The following RAB11FIP2 variants were observed in gnomAD, a reference collection of about 807,000 sequenced individuals.
The protein encoded by RAB11FIP2 is rab11 family-interacting protein 2.
A neutral mutation model predicts 40.9 loss-of-function variants in RAB11FIP2; 16 were observed. The observed-to-expected ratio is 0.39, with a 90% confidence interval of 0.26 to 0.59. The LOEUF is 0.59. Ranked by LOEUF, RAB11FIP2 falls within the 20% of genes least tolerant of loss-of-function variation. The pLI, the probability that RAB11FIP2 is intolerant of heterozygous loss-of-function variation, is 0.53. For synonymous variants in RAB11FIP2, 228 were observed against 213.7 expected (o/e 1.07, Z -0.58); for missense variants, 532 against 606.2 (o/e 0.88, Z 1.28).
At position 118,038,798 on chromosome 10, in the gene RAB11FIP2, A is replaced by G. The variant is rs982826451; in HGVS notation, c.1265+174T>C. 1.5e-5 allele frequency: 8 copies of G among 544,422 alleles called. No individual in the cohort carries two copies. In the South Asian group the frequency reaches 2.6e-4, roughly 18 times the overall value. 33.7% of individuals were successfully genotyped at this position (544,422 alleles called of 1,614,324 possible). A position where few individuals can be genotyped will look rare whatever the true frequency, so the allele number is the denominator to read the frequency against. ...TTATCTTCTTAAGATAAAAAAGTTC[A>G]GTTCCAAAAATATATGCAACATTGC... On this transcript the variant is annotated intron_variant, in intron 3 of 4. Coordinates refer to ENST00000355624, the MANE Select transcript of RAB11FIP2 (RefSeq NM_014904.3).
At chr10:118,045,738 T>A in intron 1 of RAB11FIP2, 73 bp downstream of exon 1, 1 of 1,265,934 alleles carries the variant, frequency 7.9e-7, no homozygotes, top group Non-Finnish European at 1.1e-6. Flanking sequence ...AGTATACGGA[T>A]AATTTCCAAG....
At chr10:118,018,897 G>A (rs1033781354) in intron 3 of RAB11FIP2, among the ~76,000 whole-genome samples, 1 of 151,896 alleles carries the variant, frequency 6.6e-6, no homozygotes, top group Non-Finnish European at 1.5e-5. Context: ...AGATCAAAGT[G>A]GGTTTTTTTT....
chr10:118,045,374 T>C (rs1235407518), intron 1 of RAB11FIP2: 1 of 161,876 alleles, frequency 6.2e-6, no homozygotes, highest in African/African-American at 2.4e-5. Flanking sequence ...GTTCTAAATC[T>C]GGTGATTTAT....
chr10:118,015,466 T>G (rs547442301), intron 3 of RAB11FIP2, among the ~76,000 whole-genome samples: 159 of 152,290 alleles, frequency 1.0e-3, no homozygotes, highest in Non-Finnish European at 1.8e-3. Flanking sequence ...CCTTAGGCCC[T>G]CTGATATAAA....
chr10:118,014,335 C>T (rs1481510829), intron 4 of RAB11FIP2, among the ~76,000 whole-genome samples: 1 of 152,068 alleles, frequency 6.6e-6, no homozygotes, highest in East Asian at 1.9e-4. Context: ...TTCTGTTATT[C>T]AGTGAGAATT....
rs1455535176 is a variant in RAB11FIP2, at chr10:118,006,097, G to T, written c.*2901C>A. On this transcript the variant is annotated 3_prime_UTR_variant, in exon 5 of 5. Transcript: ENST00000355624. ...AGCAATACTTAAAAACGTTTTTCATGAATGGGTTACATGTTGTTTTATATA... is the reference window on the plus strand; with the variant it reads ...AGCAATACTTAAAAACGTTTTTCATTAATGGGTTACATGTTGTTTTATATA... 1 of 152,562 alleles carries T rather than the reference G, an allele frequency of 6.6e-6. No homozygotes were observed. Among genetic ancestry groups the T allele is most frequent in the African/African-American group, 2.4e-5 (1 of 41,438 alleles). 9.5% of individuals were successfully genotyped at this position (152,562 alleles called of 1,614,324 possible). A position where few individuals can be genotyped will look rare whatever the true frequency, so the allele number is the denominator to read the frequency against.
At chr10:118,018,092 G>A (rs760126156) in intron 3 of RAB11FIP2, 2 of 152,222 alleles carry the variant, frequency 1.3e-5, no homozygotes, top group Non-Finnish European at 2.9e-5. Flanking sequence ...AGATCTGAGT[G>A]AGAGGCTCTT....
chr10:118,010,017 T>C (rs915692921), intron 4 of RAB11FIP2, among the ~76,000 whole-genome samples: 2 of 152,152 alleles, frequency 1.3e-5, no homozygotes, highest in Non-Finnish European at 2.9e-5. Flanking sequence ...GGCAAAAGCA[T>C]AAATATAACC....
At chr10:118,019,828 A>AG (rs1263948412) in intron 3 of RAB11FIP2, among the ~76,000 whole-genome samples, 2 of 149,994 alleles carry the variant, frequency 1.3e-5, no homozygotes, top group East Asian at 4.1e-4. Flanking sequence ...TCTGCCTCAA[A>AG]GAAAAAAAAA....
chr10:118,043,575 TAAGTA>T (rs1846589849), intron 1 of RAB11FIP2: 2 of 151,988 alleles, frequency 1.3e-5, no homozygotes, highest in Admixed American at 6.6e-5. Flanking sequence ...GGTAAGAAAA[TAAGTA>T]AAGTAATAAT....
intron 1 of RAB11FIP2, among the ~76,000 whole-genome samples, chr10:118,041,707 A>G (rs1990325): frequency 0.87 from 132,121 of 152,072 alleles, 58,403 homozygotes; most frequent in Middle Eastern, 0.97. Flanking sequence ...GGATATGCCA[A>G]GAGAAGATTA....
intron 3 of RAB11FIP2, among the ~76,000 whole-genome samples, chr10:118,018,836 C>A (rs896007453): frequency 6.6e-6 from 1 of 152,038 alleles, no homozygotes; most frequent in African/African-American, 2.4e-5. Flanking sequence ...ATAACTCAAT[C>A]ATTAGAGCAA....
At chr10:118,018,277 AAAAT>A (rs1331167958) in intron 3 of RAB11FIP2, 9 of 152,242 alleles carry the variant, frequency 5.9e-5, no homozygotes, top group African/African-American at 1.9e-4. Context: ...AGCTTGGTGA[AAAAT>A]AAAATGTCTC....
At chr10:118,030,334 G>A (rs1179225743) in intron 3 of RAB11FIP2, among the ~76,000 whole-genome samples, 1 of 152,010 alleles carries the variant, frequency 6.6e-6, no homozygotes, top group Non-Finnish European at 1.5e-5. Context: ...ACCTCAAGAG[G>A]GCTTACATGC....
At chr10:118,044,087 T>C (rs879694481) in intron 1 of RAB11FIP2, among the ~76,000 whole-genome samples, 5 of 152,184 alleles carry the variant, frequency 3.3e-5, no homozygotes, top group Admixed American at 2.6e-4. Context: ...GTAGAGAATT[T>C]CTATAAGGAG....
chr10:118,046,335 G>A lies in RAB11FIP2; in HGVS notation c.-172C>T, dbSNP rs1846637136. ...CAAAACGCCTCGCGGGGGCAGCCCA[G>A]GGGCACGGCCGCTCCGGGGGTCCCC... is the stretch of plus-strand genomic sequence containing the variant. On this transcript the variant is annotated 5_prime_UTR_variant, in exon 1 of 5. Coordinates refer to ENST00000355624, the MANE Select transcript of RAB11FIP2 (RefSeq NM_014904.3). 1.6e-6 allele frequency: 1 copy of A among 620,340 alleles called. No homozygotes were observed. The highest frequency in any genetic ancestry group is 2.8e-6 in the Non-Finnish European group (1 of 356,894). The allele number at this position is 620,340 out of a possible 1,614,324, so 38.4% of individuals were successfully genotyped here.
At chr10:118,031,161 T>G (rs11198241) in intron 3 of RAB11FIP2, among the ~76,000 whole-genome samples, 1 of 152,054 alleles carries the variant, frequency 6.6e-6, no homozygotes, top group Non-Finnish European at 1.5e-5. Context: ...TAGACAAATA[T>G]GAGCAAAAAG....
At chr10:118,016,254 A>G (rs1846218685) in intron 3 of RAB11FIP2, among the ~76,000 whole-genome samples, 1 of 152,168 alleles carries the variant, frequency 6.6e-6, no homozygotes, top group Admixed American at 6.5e-5. Flanking sequence ...CCTGAGGATA[A>G]ATTGAGTATT....
intron 3 of RAB11FIP2, among the ~76,000 whole-genome samples, chr10:118,028,906 T>TA (rs1288683403): frequency 1.3e-5 from 2 of 152,006 alleles, no homozygotes; most frequent in Non-Finnish European, 2.9e-5. Flanking sequence ...GTTTCAGTGC[T>TA]AAAAAACAAA....
Sources: allele counts gnomAD v4.1 joint callset (sites outside exome capture counted in the v4.1 genomes callset), GRCh38; gene constraint gnomAD v4.1.1; transcripts MANE v1.5; gene names NCBI Gene and HGNC (gene_info 2026-07-23, HGNC 2026-07-21).